The following CSMD1 variants were observed in gnomAD, a reference collection of about 807,000 sequenced individuals.
CSMD1 encodes the protein CUB and sushi domain-containing protein 1.
Under a neutral mutation model 417.5 loss-of-function variants are expected in CSMD1, and 213 were observed. The ratio of observed to expected loss-of-function variants is 0.51; its 90% CI spans 0.46 to 0.57. The LOEUF is 0.57. Among genes scored for constraint, CSMD1 ranks in the 20% least tolerant of loss-of-function variants. The pLI is 0.00. For synonymous variants in CSMD1, 2,862 were observed against 1,736.8 expected (o/e 1.65, Z -16.11); for missense variants, 6,923 against 4,529.7 (o/e 1.53, Z -15.17).
intron 3 of CSMD1, among the ~76,000 whole-genome samples, chr8:4,348,598 C>G (rs923046830): frequency 2.9e-5 from 1 of 34,226 alleles, no homozygotes; most frequent in Non-Finnish European, 5.6e-5. Context: ...TGTGTGTGTG[C>G]GTGGGTGTGT....
At chr8:3,751,372 ATTAT>A (rs1398741509) in intron 6 of CSMD1, among the ~76,000 whole-genome samples, 4 of 144,448 alleles carry the variant, frequency 2.8e-5, no homozygotes, top group Non-Finnish European at 6.0e-5. Context: ...CTATATATAA[ATTAT>A]TTATATATTT....
rs1374715881 is a variant in CSMD1, at chr8:3,367,075, T to G, written c.3072A>C (p.Ser1024=). 1 of 1,613,690 alleles carries G rather than the reference T, an allele frequency of 6.2e-7. No individual in the cohort carries two copies. The highest frequency in any genetic ancestry group is 1.3e-5 in the African/African-American group (1 of 74,904). ...GNFTAQLRFI[S]DFSISYEGFN... ...AGCCCTCGTACGAAATTGAGAAGTCTGATATAAACCGAAGCTGGGCAGTGA... is the reference window on the plus strand; with the variant it reads ...AGCCCTCGTACGAAATTGAGAAGTCGGATATAAACCGAAGCTGGGCAGTGA... Residue 1024 remains serine, a synonymous_variant, in exon 20 of 70, where the codon TCA becomes TCC. Transcript: ENST00000635120.
At chr8:4,431,819 T>G (rs1452171562) in intron 2 of CSMD1, among the ~76,000 whole-genome samples, 1 of 151,990 alleles carries the variant, frequency 6.6e-6, no homozygotes, top group African/African-American at 2.4e-5. Flanking sequence ...AACATACACA[T>G]CCAAGATAAA....
In CSMD1 at chr8:4,132,494, A is replaced by G. The variant is rs570589439; in HGVS notation, c.416-100395T>C. 8.5e-4 allele frequency among the ~76,000 whole-genome samples: 130 copies of G among 152,312 alleles called. 1 individual carries two copies. Among genetic ancestry groups the G allele is most frequent in the Non-Finnish European group, 1.3e-3 (91 of 68,020 alleles). On this transcript the variant is annotated intron_variant, in intron 3 of 69. Coordinates refer to ENST00000635120, the MANE Select transcript of CSMD1 (RefSeq NM_033225.6). The stretch of plus-strand genomic sequence containing the variant: ...TTAACAGGAACATGGGTAGTATAAT[A>G]CATTTTATTAGGCATTCCCCTGTTT...
chr8:2,979,392 C>T (rs148955161), intron 54 of CSMD1, among the ~76,000 whole-genome samples: 33 of 152,342 alleles, frequency 2.2e-4, no homozygotes, highest in Non-Finnish European at 2.8e-4. Context: ...CAGTCTTCTG[C>T]GGCATGCGGG....
chr8:4,066,201 T>C (rs1248314665), intron 3 of CSMD1, among the ~76,000 whole-genome samples: 4 of 152,238 alleles, frequency 2.6e-5, no homozygotes, highest in African/African-American at 4.8e-5. Flanking sequence ...AGGGACTGTT[T>C]CAACTGCCAG....
At chr8:4,775,391 G>T (rs144727348) in intron 1 of CSMD1, among the ~76,000 whole-genome samples, 1 of 152,122 alleles carries the variant, frequency 6.6e-6, no homozygotes, top group African/African-American at 2.4e-5. Context: ...AGTGTTTAGA[G>T]TTTATAAACT....
At chr8:4,912,825 T>A (rs6651445) in intron 1 of CSMD1, among the ~76,000 whole-genome samples, 130,026 of 152,020 alleles carry the variant, frequency 0.86, 55,703 homozygotes, top group Admixed American at 0.88. Flanking sequence ...TTGCTCTGTC[T>A]CCTAGACTAG....
intron 47 of CSMD1, among the ~76,000 whole-genome samples, chr8:3,094,272 A>C (rs1815150513): frequency 2.6e-5 from 4 of 151,870 alleles, no homozygotes; most frequent in African/African-American, 9.7e-5. Flanking sequence ...CGCCCAGCTA[A>C]CTTTTGTATT....
intron 7 of CSMD1, among the ~76,000 whole-genome samples, chr8:3,672,999 A>G (rs1408436617): frequency 6.6e-6 from 1 of 152,230 alleles, no homozygotes; most frequent in Non-Finnish European, 1.5e-5. Context: ...GTTGTAACAC[A>G]TACCATGCTT....
chr8:4,267,836 A>G (rs917785093), intron 3 of CSMD1, among the ~76,000 whole-genome samples: 1 of 152,102 alleles, frequency 6.6e-6, no homozygotes, highest in Non-Finnish European at 1.5e-5. Flanking sequence ...AGTGTATATA[A>G]TTTAGCTTGA....
At chr8:4,989,817 C>G (rs556677755) in intron 1 of CSMD1, among the ~76,000 whole-genome samples, 1 of 152,152 alleles carries the variant, frequency 6.6e-6, no homozygotes, top group African/African-American at 2.4e-5. Flanking sequence ...TAAGCACGAA[C>G]CAGCCACCGA....
At chr8:4,007,339 C>T (rs1816205058) in intron 4 of CSMD1, among the ~76,000 whole-genome samples, 1 of 152,284 alleles carries the variant, frequency 6.6e-6, no homozygotes, top group African/African-American at 2.4e-5. Flanking sequence ...CCTTTGGCTC[C>T]CATTTCCTCT....
chr8:2,955,983 C>T (rs895528038), intron 63 of CSMD1, among the ~76,000 whole-genome samples: 1 of 151,996 alleles, frequency 6.6e-6, no homozygotes, highest in African/African-American at 2.4e-5. Context: ...TCAAGCTATT[C>T]TCCTGTTTTG....
At chr8:3,179,146 C>T (rs200754077) in intron 37 of CSMD1, among the ~76,000 whole-genome samples, 15,700 of 149,934 alleles carry the variant, frequency 0.1, 1,108 homozygotes, top group South Asian at 0.16. Flanking sequence ...GGGGTTTCAA[C>T]GTGTTAGCCA....
intron 1 of CSMD1, among the ~76,000 whole-genome samples, chr8:4,911,814 T>C (rs1805692104): frequency 6.6e-6 from 1 of 152,182 alleles, no homozygotes; most frequent in South Asian, 2.1e-4. Context: ...GAGTTGCTCA[T>C]TAAACTTCAC....
intron 2 of CSMD1, among the ~76,000 whole-genome samples, chr8:4,450,646 T>G (rs965925813): frequency 1.3e-5 from 2 of 152,074 alleles, no homozygotes; most frequent in Admixed American, 1.3e-4. Context: ...AAAAAAAATT[T>G]GGTACTTTGA....
At chr8:3,757,005 G>C (rs1434076298) in intron 5 of CSMD1, among the ~76,000 whole-genome samples, 1 of 152,112 alleles carries the variant, frequency 6.6e-6, no homozygotes, top group Non-Finnish European at 1.5e-5. Flanking sequence ...GTCTCACTAT[G>C]TTGTCCAGAC....
At chr8:4,961,899 C>CT (rs1036669477) in intron 1 of CSMD1, among the ~76,000 whole-genome samples, 2 of 24,002 alleles carry the variant, frequency 8.3e-5, no homozygotes, top group East Asian at 1.2e-3. Flanking sequence ...AAATTCCTTC[C>CT]TTTTTTTTCC....
Sources: gnomAD v4.1 joint callset for allele counts (sites outside exome capture counted in the v4.1 genomes callset) on GRCh38, gnomAD v4.1.1 for gene constraint, MANE v1.5 for transcripts, NCBI Gene and HGNC (gene_info 2026-07-23, HGNC 2026-07-21) for gene names.